SPTB: variants seen among roughly 807,000 people sequenced by gnomAD.
The protein encoded by SPTB is spectrin beta, erythrocytic, also known as spectrin beta chain, erythrocytic.
A neutral mutation model predicts 256.2 loss-of-function variants in SPTB; 45 were observed. That is an observed-to-expected ratio of 0.18 (90% confidence interval 0.14 to 0.23). The LOEUF (loss-of-function observed/expected upper bound fraction) is 0.23. Ranked by LOEUF, SPTB falls within the 10% of genes least tolerant of loss-of-function variation. The pLI is 1.00. For synonymous variants in SPTB, 1,231 were observed against 1,243.1 expected (o/e 0.99, Z 0.21); for missense variants, 2,715 against 3,040.4 (o/e 0.89, Z 2.52).
chr14:64,822,122 T>C (rs2083297176), intron 2 of SPTB, among the ~76,000 whole-genome samples: 1 of 151,560 alleles, frequency 6.6e-6, no homozygotes, highest in Non-Finnish European at 1.5e-5. Flanking sequence ...GACTGGTGGA[T>C]CAGGTGAAGG....
intron 1 of SPTB, among the ~76,000 whole-genome samples, chr14:64,861,006 A>G (rs1333410273): frequency 6.6e-6 from 1 of 152,216 alleles, no homozygotes; most frequent in Non-Finnish European, 1.5e-5. Context: ...ACACCATGGA[A>G]TACTATGCTG....
Position 64,749,505 on chromosome 14 carries a change from AG to A in SPTB, c.6820-33del. On this transcript the variant is annotated intron_variant, in intron 35 of 35. Transcript: ENST00000644917. This position sits in a 1 kb window ranked among gnomAD's most constrained non-coding sequence, Gnocchi z 4.7. Reference sequence around the variant, plus strand: ...GGCGGAGGGTCACGGTGGAGTCTGGAGGCCCACAGCCCCCCACCTCCCGGGC... The same window carrying A: ...GGCGGAGGGTCACGGTGGAGTCTGGAGCCCACAGCCCCCCACCTCCCGGGC... 1 of 1,597,758 alleles carries A rather than the reference AG, an allele frequency of 6.3e-7. No individual in the cohort carries two copies. The highest frequency in any genetic ancestry group is 8.5e-7 in the Non-Finnish European group (1 of 1,177,672).
intron 33 of SPTB, chr14:64,752,251 C>CT: frequency 1.5e-6 from 2 of 1,347,046 alleles, no homozygotes; most frequent in Non-Finnish European, 2.0e-6. Context: ...GCAACAGACT[C>CT]TGTTTCCTCC....
At chr14:64,750,346 C>T in intron 33 of SPTB, 192 bp from the exon 34 acceptor site, 2 of 639,230 alleles carry the variant, frequency 3.1e-6, no homozygotes, top group East Asian at 3.0e-5. Context: ...TTTATGTATT[C>T]CTTCTAGTCT....
intron 1 of SPTB, among the ~76,000 whole-genome samples, chr14:64,843,325 T>G (rs541508733): frequency 6.6e-6 from 1 of 152,246 alleles, no homozygotes; most frequent in East Asian, 1.9e-4. Flanking sequence ...ACAGAAGAGA[T>G]GCTTGGGGCA....
At position 64,845,608 on chromosome 14, in the gene SPTB, G is replaced by C. The variant is rs1407181461; in HGVS notation, c.-51-22463C>G. Among the ~76,000 whole-genome samples, 2 of 152,180 alleles carry C rather than the reference G, an allele frequency of 1.3e-5. No homozygotes were observed. The highest frequency in any genetic ancestry group is 4.8e-5 in the African/African-American group (2 of 41,440). ...AGGACTGTAGAGATGAAAAGCAAAA[G>C]GTTGTGACACCAGTATCAGGAGACA... is the stretch of plus-strand genomic sequence containing the variant. On this transcript the variant is annotated intron_variant, in intron 1 of 35. Transcript: ENST00000644917. This position sits in a 1 kb window ranked among gnomAD's most constrained non-coding sequence, Gnocchi z 4.8.
chr14:64,768,816 C>T (rs996506725), intron 29 of SPTB, among the ~76,000 whole-genome samples: 9 of 152,118 alleles, frequency 5.9e-5, no homozygotes, highest in East Asian at 3.9e-4. Context: ...AGTGGGGGCA[C>T]GCTGGCTAGT....
chr14:64,782,165 T>G, intron 20 of SPTB, 125 bp downstream of exon 20: 1 of 1,351,580 alleles, frequency 7.4e-7, no homozygotes, highest in Middle Eastern at 1.8e-4. Flanking sequence ...CCCCATGACA[T>G]GTGTTTATCT....
chr14:64,774,422 G>A lies in SPTB; in HGVS notation c.4948C>T (p.Leu1650=). The change falls in exon 24 of 36, where the codon CTG becomes TTG. Residue 1650 remains leucine, a synonymous_variant. Coordinates refer to ENST00000644917, the MANE Select transcript of SPTB (RefSeq NM_001355436.2). ...IKQLASRAQG[L]LSAGHPEGEQ... ...CCCTCAGGGTGGCCTGCAGACAGCA[G>A]GCCCTGGGCCCGGCTGGCCAGCTGC... The A allele has an allele frequency of 6.3e-7, 1 of 1,580,432 alleles. No individual in the cohort carries two copies. Among genetic ancestry groups the A allele is most frequent in the African/African-American group, 1.3e-5 (1 of 74,388 alleles).
At chr14:64,801,225 G>T in intron 7 of SPTB, 60 bp downstream of exon 7, 1 of 1,453,834 alleles carries the variant, frequency 6.9e-7, no homozygotes, top group Non-Finnish European at 9.6e-7. Flanking sequence ...AGCTCCTCTA[G>T]CACAGCGAGT....
chr14:64,876,618 C>A (rs576312271), intron 1 of SPTB, among the ~76,000 whole-genome samples: 6 of 152,232 alleles, frequency 3.9e-5, no homozygotes, highest in Admixed American at 2.6e-4. Context: ...GTCTCTAGAT[C>A]GTAATGTGTA....
At position 64,747,847 on chromosome 14, in the gene SPTB, C is replaced by T. The variant is rs2081872849; in HGVS notation, c.*1459G>A. 7.3e-6 allele frequency: 1 copy of T among 136,830 alleles called. No individual in the cohort carries two copies. Among genetic ancestry groups the T allele is most frequent in the African/African-American group, 2.7e-5 (1 of 37,346 alleles). 8.5% of individuals were successfully genotyped at this position (136,830 alleles called of 1,614,324 possible). ...CGCTTGACTGCTCTCTTGGACCTAACCCTAGTTTGATACTGGGCCAGAACT... is the reference window on the plus strand; with the variant it reads ...CGCTTGACTGCTCTCTTGGACCTAATCCTAGTTTGATACTGGGCCAGAACT... On this transcript the variant is annotated 3_prime_UTR_variant, in exon 36 of 36. Coordinates refer to ENST00000644917, the MANE Select transcript of SPTB (RefSeq NM_001355436.2).
chr14:64,799,524 T>C (rs1301480758), intron 9 of SPTB, among the ~76,000 whole-genome samples: 1 of 152,240 alleles, frequency 6.6e-6, no homozygotes, highest in Non-Finnish European at 1.5e-5. Flanking sequence ...CCACTGTCTT[T>C]GGTCGTGAGT....
At chr14:64,878,935 C>G (rs544786636) in intron 1 of SPTB, among the ~76,000 whole-genome samples, 1 of 152,198 alleles carries the variant, frequency 6.6e-6, no homozygotes, top group African/African-American at 2.4e-5. Flanking sequence ...ACCTGAAGCT[C>G]GTTGTCAGGG....
chr14:64,800,942 C>A, intron 7 of SPTB, 74 bp from the exon 8 acceptor site: 1 of 1,163,062 alleles, frequency 8.6e-7, no homozygotes, highest in East Asian at 2.5e-5. Context: ...GTTTATTCCC[C>A]ATTCCTCCAG....
Position 64,788,795 on chromosome 14 carries a change from G to C in SPTB, c.2805-1635C>G, listed in dbSNP as rs146657038. Among the ~76,000 whole-genome samples the C allele has an allele frequency of 4.1e-4, 63 of 152,310 alleles. 1 individual carries two copies. The highest frequency in any genetic ancestry group is 6.8e-3 in the Middle Eastern group (2 of 294). On this transcript the variant is annotated intron_variant, in intron 15 of 35. Coordinates refer to ENST00000644917, the MANE Select transcript of SPTB (RefSeq NM_001355436.2). ...CCTCCACTGCACTGTCTTTGAGATG[G>C]AGGAGGTTGATAGAGCCACTCTAGT...
In SPTB at chr14:64,769,043, G is replaced by A. The variant is rs1454353070; in HGVS notation, c.6013C>T (p.Leu2005Phe). 2.5e-6 allele frequency: 4 copies of A among 1,613,118 alleles called. No homozygotes were observed. Among genetic ancestry groups the A allele is most frequent in the Non-Finnish European group, 3.4e-6 (4 of 1,179,920 alleles). Residue 2005 changes from leucine to phenylalanine, a missense_variant, in exon 29 of 36, where the codon CTC (leucine) becomes TTC (phenylalanine). Around this residue, in one of 4 missense-constraint regions of SPTB, gnomAD observed 2,239 missense variants for 2,384.4 expected, o/e 0.94. Transcript: ENST00000644917. ...NEKWEARWER[L>F]RMLLEVCQFS... ...CCAGGGCTGTACTCACACATGCGGA[G>A]CCGCTCCCAGCGGGCTTCCCACTTC...
intron 1 of SPTB, among the ~76,000 whole-genome samples, chr14:64,858,655 A>C (rs2083911516): frequency 6.6e-6 from 1 of 152,180 alleles, no homozygotes; most frequent in East Asian, 1.9e-4. Flanking sequence ...AACAAATGAC[A>C]GTGGCATTTG....
In SPTB at chr14:64,823,579, G is replaced by C. The variant is rs1046666463; in HGVS notation, c.-51-434C>G. 1.3e-5 allele frequency among the ~76,000 whole-genome samples: 2 copies of C among 152,182 alleles called. No individual in the cohort carries two copies. The highest frequency in any genetic ancestry group is 2.4e-5 in the African/African-American group (1 of 41,446). ...TAACCTGGTGGGGGAGATGGGGACA[G>C]GCCAGGGGAAGGGAGAGGCTGGAAA... On this transcript the variant is annotated intron_variant, in intron 1 of 35. Coordinates refer to ENST00000644917, the MANE Select transcript of SPTB (RefSeq NM_001355436.2). The surrounding 1 kb of genome is among the most constrained non-coding windows in gnomAD (Gnocchi z 6.5).
Sources: gnomAD v4.1 joint callset for allele counts (sites outside exome capture counted in the v4.1 genomes callset) on GRCh38, gnomAD v4.1.1 for gene constraint, gnomAD v4.1.1 regional missense constraint, Gnocchi (gnomAD v3.1) non-coding constraint, MANE v1.5 for transcripts, NCBI Gene and HGNC (gene_info 2026-07-23, HGNC 2026-07-21) for gene names.